The following ADGRL2 variants were observed in gnomAD, a reference collection of about 807,000 sequenced individuals.
The protein encoded by ADGRL2 is calcium-independent alpha-latrotoxin receptor 2.
In ADGRL2, 44 loss-of-function variants were observed where a neutral mutation model predicts 157.4. That is an observed-to-expected ratio of 0.28 (90% CI 0.22 to 0.36). ADGRL2 has a LOEUF of 0.36. Among genes scored for constraint, ADGRL2 ranks in the 10% least tolerant of loss-of-function variants. The pLI, the probability that ADGRL2 is intolerant of heterozygous loss-of-function variation, is 1.00. For synonymous variants in ADGRL2, 585 were observed against 624.7 expected (o/e 0.94, Z 0.95); for missense variants, 1,510 against 1,768.9 (o/e 0.85, Z 2.63).
At chr1:81,629,502 G>C (rs931308405) in intron 3 of ADGRL2, among the ~76,000 whole-genome samples, 1 of 151,980 alleles carries the variant, frequency 6.6e-6, no homozygotes, top group Admixed American at 6.6e-5. Flanking sequence ...GAAAATAAAA[G>C]ATTAGAATAA....
chr1:81,593,310 C>G (rs1026587908), intron 3 of ADGRL2, among the ~76,000 whole-genome samples: 1 of 152,174 alleles, frequency 6.6e-6, no homozygotes, highest in Admixed American at 6.6e-5. Flanking sequence ...ACCCTAGAGA[C>G]GAGCTGCTTC....
chr1:81,905,445 T>A (rs1054660992), intron 2 of ADGRL2, among the ~76,000 whole-genome samples: 5 of 152,118 alleles, frequency 3.3e-5, no homozygotes, highest in Non-Finnish European at 5.9e-5. Context: ...AAGACTGCCA[T>A]CCCTGAATTA....
At chr1:81,424,998 A>G (rs1414332213) in intron 1 of ADGRL2, among the ~76,000 whole-genome samples, 2 of 152,130 alleles carry the variant, frequency 1.3e-5, no homozygotes. Context: ...TCAAAATGTC[A>G]CCTTGTGTGA....
At chr1:81,931,786 C>A in intron 3 of ADGRL2, among the ~76,000 whole-genome samples, 1 of 152,014 alleles carries the variant, frequency 6.6e-6, no homozygotes, top group East Asian at 1.9e-4. Flanking sequence ...CACATACCAC[C>A]ACACCTGGCT....
intron 2 of ADGRL2, among the ~76,000 whole-genome samples, chr1:81,497,045 T>A (rs1055021466): frequency 6.6e-6 from 1 of 152,136 alleles, no homozygotes; most frequent in African/African-American, 2.4e-5. Context: ...AGAACACAAC[T>A]ACATAATTTC....
chr1:81,964,284 A>C (rs1397027094), intron 11 of ADGRL2, among the ~76,000 whole-genome samples: 2 of 152,060 alleles, frequency 1.3e-5, no homozygotes, highest in Non-Finnish European at 2.9e-5. Flanking sequence ...AACTCAGAGG[A>C]TATTCTTCTT....
intron 1 of ADGRL2, among the ~76,000 whole-genome samples, chr1:81,828,957 G>A (rs2091727257): frequency 6.6e-6 from 1 of 151,482 alleles, no homozygotes; most frequent in South Asian, 2.1e-4. Context: ...TGTTGCCTGG[G>A]CTAGAGTGCA....
chr1:81,598,038 T>G (rs1051802032), intron 3 of ADGRL2, among the ~76,000 whole-genome samples: 2 of 152,240 alleles, frequency 1.3e-5, no homozygotes, highest in Non-Finnish European at 2.9e-5. Context: ...GGTTGAAGTC[T>G]GCCTCCAGAG....
At chr1:81,648,303 T>C (rs533593412) in intron 3 of ADGRL2, among the ~76,000 whole-genome samples, 2 of 152,266 alleles carry the variant, frequency 1.3e-5, no homozygotes, top group Admixed American at 6.5e-5. Flanking sequence ...CCTCAATTTA[T>C]AGATTGGAAA....
At chr1:81,727,443 T>A (rs1489598622) in intron 1 of ADGRL2, among the ~76,000 whole-genome samples, 1 of 151,554 alleles carries the variant, frequency 6.6e-6, no homozygotes, top group Non-Finnish European at 1.5e-5. Flanking sequence ...TAAAACTTAA[T>A]TTTTTTTTGA....
intron 2 of ADGRL2, among the ~76,000 whole-genome samples, chr1:81,461,933 G>GA (rs1553166996): frequency 8.2e-6 from 1 of 121,766 alleles, no homozygotes; most frequent in South Asian, 3.1e-4. Context: ...AGAAGAAAGG[G>GA]GGGGGGGGGT....
intron 3 of ADGRL2, among the ~76,000 whole-genome samples, chr1:81,687,550 T>C (rs2083254070): frequency 6.6e-6 from 1 of 152,190 alleles, no homozygotes; most frequent in South Asian, 2.1e-4. Context: ...GTTAGGTGAG[T>C]CTCCTGAAGG....
intron 1 of ADGRL2, among the ~76,000 whole-genome samples, chr1:81,378,334 T>A (rs1015093203): frequency 6.6e-6 from 1 of 152,144 alleles, no homozygotes; most frequent in Non-Finnish European, 1.5e-5. Flanking sequence ...GAGGATGGCT[T>A]GAGCCCAGGA....
At chr1:81,801,276 T>A (rs1298794784) in intron 1 of ADGRL2, among the ~76,000 whole-genome samples, 2 of 152,196 alleles carry the variant, frequency 1.3e-5, no homozygotes, top group African/African-American at 4.8e-5. Context: ...CCTTTGACGC[T>A]GTACACGCTA....
chr1:81,727,151 C>T (rs1464542572), intron 1 of ADGRL2, among the ~76,000 whole-genome samples: 1 of 152,150 alleles, frequency 6.6e-6, no homozygotes, highest in South Asian at 2.1e-4. Flanking sequence ...CCAAGACAGG[C>T]AGGGTTCTTG....
intron 1 of ADGRL2, among the ~76,000 whole-genome samples, chr1:81,410,461 G>A (rs944875863): frequency 1.2e-4 from 18 of 152,160 alleles, no homozygotes; most frequent in African/African-American, 3.9e-4. Context: ...CATCCGTGAT[G>A]CAGATTAGCA....
chr1:81,689,889 A>T (rs1002736992), intron 3 of ADGRL2, among the ~76,000 whole-genome samples: 10 of 152,056 alleles, frequency 6.6e-5, no homozygotes, highest in African/African-American at 1.9e-4. Context: ...AGTTTTCACA[A>T]CGCCCTCTCA....
At chr1:81,743,904 A>G (rs1164208306) in intron 1 of ADGRL2, among the ~76,000 whole-genome samples, 1 of 152,142 alleles carries the variant, frequency 6.6e-6, no homozygotes, top group African/African-American at 2.4e-5. Context: ...TTTTTGTAAT[A>G]TAGCAGTTAT....
chr1:81,347,894 C>T (rs1448951973), intron 1 of ADGRL2, among the ~76,000 whole-genome samples: 1 of 152,106 alleles, frequency 6.6e-6, no homozygotes, highest in Non-Finnish European at 1.5e-5. Context: ...TATTGGGCTT[C>T]TTGGATTCTA....
Sources: gnomAD v4.1 joint callset for allele counts (sites outside exome capture counted in the v4.1 genomes callset) on GRCh38, gnomAD v4.1.1 for gene constraint, MANE v1.5 for transcripts, NCBI Gene and HGNC (gene_info 2026-07-23, HGNC 2026-07-21) for gene names.